COL22A1: variants seen among roughly 807,000 people sequenced by gnomAD.
The protein encoded by COL22A1 is collagen alpha-1(XXII) chain.
In COL22A1, 221 loss-of-function variants were observed where a neutral mutation model predicts 248.9. That is an observed-to-expected ratio of 0.89 (90% confidence interval 0.80 to 0.99). COL22A1 has a LOEUF of 0.99. COL22A1 is among the 50% of genes least tolerant of loss of function. COL22A1 has a pLI of 0.00. For synonymous variants in COL22A1, 891 were observed against 793.4 expected (o/e 1.12, Z -2.07); for missense variants, 2,240 against 2,179.0 (o/e 1.03, Z -0.56).
intron 9 of COL22A1, among the ~76,000 whole-genome samples, chr8:138,808,868 G>A (rs960175201): frequency 4.6e-5 from 7 of 152,158 alleles, no homozygotes; most frequent in African/African-American, 7.2e-5. Flanking sequence ...CCACAAGAGT[G>A]CCTGGTACAC....
At chr8:138,825,405 G>A (rs1819502547) in intron 6 of COL22A1, among the ~76,000 whole-genome samples, 1 of 152,082 alleles carries the variant, frequency 6.6e-6, no homozygotes, top group Non-Finnish European at 1.5e-5. Flanking sequence ...TGAATGACTG[G>A]GTTCAAATCT....
chr8:138,821,259 C>A lies in COL22A1; in HGVS notation c.1122G>T (p.Gln374His), dbSNP rs1819100892. The A allele has an allele frequency of 6.2e-7, 1 of 1,614,108 alleles. No homozygotes were observed. Among genetic ancestry groups the A allele is most frequent in the Admixed American group, 1.7e-5 (1 of 60,008 alleles). Residue 374 changes from glutamine to histidine, a missense_variant, in exon 7 of 65, where the codon CAG (glutamine) becomes CAT (histidine). Transcript: ENST00000303045. ...CACAGTCAATGTGCAGGGAGACGTT[C>A]TGGGCCTGGATGCTCAGGGCCATCT... Reference protein sequence around the residue: ...WHKMALSIQAQNVSLHIDCAL... With the variant: ...WHKMALSIQAHNVSLHIDCAL...
At chr8:138,612,490 C>A (rs1323698673) in intron 56 of COL22A1, among the ~76,000 whole-genome samples, 2 of 152,138 alleles carry the variant, frequency 1.3e-5, no homozygotes, top group Non-Finnish European at 2.9e-5. Flanking sequence ...TGTGCCCCCC[C>A]CAAATTTTTA....
chr8:138,604,137 T>G (rs574322083), intron 59 of COL22A1, among the ~76,000 whole-genome samples: 5 of 152,234 alleles, frequency 3.3e-5, no homozygotes, highest in African/African-American at 1.2e-4. Flanking sequence ...GGAAAAGAAC[T>G]TGGCACGTCT....
intron 45 of COL22A1, among the ~76,000 whole-genome samples, chr8:138,652,734 G>GTTTTT (rs1564146836): frequency 2.2e-5 from 1 of 45,914 alleles, no homozygotes; most frequent in African/African-American, 4.6e-5. Context: ...TTCCTTTTCT[G>GTTTTT]GTTTTTTTTT....
intron 1 of COL22A1, among the ~76,000 whole-genome samples, chr8:138,895,096 CTG>C (rs1311226031): frequency 6.7e-6 from 1 of 148,378 alleles, no homozygotes; most frequent in African/African-American, 2.5e-5. Context: ...AAAAAAAACA[CTG>C]TATTTTTTTG....
Position 138,670,911 on chromosome 8 carries a change from T to A in COL22A1, c.3150+5647A>T, listed in dbSNP as rs183914646. On this transcript the variant is annotated intron_variant, in intron 41 of 64. Coordinates refer to ENST00000303045, the MANE Select transcript of COL22A1 (RefSeq NM_152888.3). ...AGGAGGTTAAGGCTGCAGTGAGCCA[T>A]GATCACGCCACTGCACTCCAGCTTG... Among the ~76,000 whole-genome samples the A allele has an allele frequency of 4.4e-4, 58 of 131,934 alleles. No homozygotes were observed. The East Asian group carries it at 0.014, about 32-fold the overall frequency. The allele number at this position is 131,934 out of a possible 152,430, so 86.6% of individuals were successfully genotyped here.
chr8:138,821,104 A>T (rs1261618991), intron 7 of COL22A1, 32 bp downstream of exon 7: 13 of 1,604,446 alleles, frequency 8.1e-6, no homozygotes, highest in Non-Finnish European at 1.1e-5. Context: ...GTGGCCTGGA[A>T]CCTGGGCTGC....
chr8:138,781,475 C>T (rs1187617294), intron 12 of COL22A1, among the ~76,000 whole-genome samples: 3 of 152,200 alleles, frequency 2.0e-5, no homozygotes, highest in South Asian at 2.1e-4. Context: ...CCAAAAATGT[C>T]TTCAGATATT....
chr8:138,691,657 G>GCGTGTGCA (rs1826900878), intron 35 of COL22A1, among the ~76,000 whole-genome samples: 1 of 150,460 alleles, frequency 6.6e-6, no homozygotes, highest in Non-Finnish European at 1.5e-5. Flanking sequence ...GTGTATGCAT[G>GCGTGTGCA]TTTGTGGGGG....
intron 23 of COL22A1, among the ~76,000 whole-genome samples, chr8:138,728,817 G>C (rs906650343): frequency 6.6e-6 from 1 of 152,080 alleles, no homozygotes; most frequent in Non-Finnish European, 1.5e-5. Context: ...CCCTTGTTTA[G>C]ATTCAGAGAC....
rs1563781415 is a variant in COL22A1 at position 138,802,935 on chromosome 8, C to T, written c.1495-1G>A. The T allele has an allele frequency of 1.9e-6, 3 of 1,613,246 alleles. No homozygotes were observed. Among genetic ancestry groups the T allele is most frequent in the Non-Finnish European group, 2.5e-6 (3 of 1,179,158 alleles). ...CCGGCCCAATGGCTCCTATGTCTCC[C>T]TGAGGGGTTGAGACCAGAGACAAGC... On this transcript the variant is annotated splice_acceptor_variant, in intron 10 of 64. Coordinates refer to ENST00000303045, the MANE Select transcript of COL22A1 (RefSeq NM_152888.3). LOFTEE classifies it high-confidence loss of function.
At chr8:138,870,706 GCATGTGTGTAGTA>G (rs1160988469) in intron 3 of COL22A1, among the ~76,000 whole-genome samples, 1 of 151,844 alleles carries the variant, frequency 6.6e-6, no homozygotes, top group Non-Finnish European at 1.5e-5. Flanking sequence ...TATCTATGTG[GCATGTGTGTAGTA>G]TGTGTGGTGT....
In COL22A1 at chr8:138,598,323, C is replaced by T. The variant is rs192419506; in HGVS notation, c.4365+396G>A. Among the ~76,000 whole-genome samples the T allele has an allele frequency of 3.4e-3, 515 of 152,274 alleles. 2 individuals carry two copies. Among genetic ancestry groups the T allele is most frequent in the African/African-American group, 0.012 (487 of 41,566 alleles). On this transcript the variant is annotated intron_variant, in intron 61 of 64. Coordinates refer to ENST00000303045, the MANE Select transcript of COL22A1 (RefSeq NM_152888.3). The stretch of plus-strand genomic sequence containing the variant: ...CATCGAAATGGATGGTAAACCATCC[C>T]ACAGTGAAGTTCAGACCCCTGGGAG...
intron 41 of COL22A1, among the ~76,000 whole-genome samples, chr8:138,673,366 T>C (rs1825216283): frequency 6.6e-6 from 1 of 152,082 alleles, no homozygotes; most frequent in Admixed American, 6.6e-5. Context: ...TGCGCCACCA[T>C]GCCTGGCTAA....
chr8:138,857,021 C>T (rs571356351), intron 3 of COL22A1, among the ~76,000 whole-genome samples: 3 of 152,188 alleles, frequency 2.0e-5, no homozygotes, highest in Admixed American at 6.5e-5. Context: ...GGGGAAAGGC[C>T]GCCTTTGCCC....
intron 24 of COL22A1, 60 bp downstream of exon 24, chr8:138,725,327 T>A: frequency 6.5e-7 from 1 of 1,533,380 alleles, no homozygotes; most frequent in Non-Finnish European, 9.0e-7. Context: ...TGTCCCCAGG[T>A]CCCACAGGCC....
chr8:138,763,294 C>A (rs554416461), intron 16 of COL22A1, among the ~76,000 whole-genome samples: 2 of 151,758 alleles, frequency 1.3e-5, no homozygotes, highest in African/African-American at 2.4e-5. Flanking sequence ...GGCTGAGGCA[C>A]GAGAATGGCT....
Position 138,778,370 on chromosome 8 carries a change from CAGG to C in COL22A1, c.1738_1740del (p.Pro580del). 1.2e-6 allele frequency: 2 copies of C among 1,613,580 alleles called. No individual in the cohort carries two copies. The highest frequency in any genetic ancestry group is 1.7e-6 in the Non-Finnish European group (2 of 1,179,750). On this transcript the variant is annotated inframe_deletion, in exon 15 of 65. Coordinates refer to ENST00000303045, the MANE Select transcript of COL22A1 (RefSeq NM_152888.3). The stretch of plus-strand genomic sequence containing the variant: ...TCACTTACAGGAGCTCCGACACGTC[CAGG>C]AGGTCCGGGGAGTCCAGGTGGTCCT...
Sources: gnomAD v4.1 joint callset for allele counts (sites outside exome capture counted in the v4.1 genomes callset) on GRCh38, gnomAD v4.1.1 for gene constraint, MANE v1.5 for transcripts, NCBI Gene and HGNC (gene_info 2026-07-23, HGNC 2026-07-21) for gene names.